The following FOXP2 variants were observed in gnomAD, a reference collection of about 807,000 sequenced individuals.
The protein encoded by FOXP2 is forkhead box P2.
Under a neutral mutation model 115.8 loss-of-function variants are expected in FOXP2, and 12 were observed. The ratio of observed to expected loss-of-function variants is 0.10; its 90% CI spans 0.07 to 0.17. The LOEUF (loss-of-function observed/expected upper bound fraction) is 0.17, where lower values mean the gene tolerates loss of function less well. FOXP2 is among the 10% of genes least tolerant of loss of function. FOXP2 has a pLI of 1.00. For synonymous variants in FOXP2, 328 were observed against 297.7 expected (o/e 1.10, Z -1.05); for missense variants, 629 against 843.5 (o/e 0.75, Z 3.15).
chr7:114,264,900 A>T (rs1795857531), intron 1 of FOXP2, among the ~76,000 whole-genome samples: 1 of 152,134 alleles, frequency 6.6e-6, no homozygotes, highest in African/African-American at 2.4e-5. Flanking sequence ...ACCAGATCTC[A>T]TGAGAAGTCA....
intron 1 of FOXP2, among the ~76,000 whole-genome samples, chr7:114,260,532 A>T (rs565309450): frequency 2.6e-5 from 4 of 152,036 alleles, no homozygotes; most frequent in African/African-American, 7.2e-5. Flanking sequence ...GACTCTATTT[A>T]AAAAAAATTG....
chr7:114,149,222 T>C (rs1792466106), intron 1 of FOXP2, among the ~76,000 whole-genome samples: 1 of 152,060 alleles, frequency 6.6e-6, no homozygotes, highest in South Asian at 2.1e-4. Context: ...TTTCTAGCCA[T>C]GTAGAACTTT....
intron 1 of FOXP2, among the ~76,000 whole-genome samples, chr7:114,236,246 GT>G (rs1795004963): frequency 6.6e-6 from 1 of 152,172 alleles, no homozygotes; most frequent in African/African-American, 2.4e-5. Flanking sequence ...CTTGCACAAT[GT>G]TTGTCAATTT....
chr7:114,676,168 A>T (rs1316165920), intron 16 of FOXP2, among the ~76,000 whole-genome samples: 9 of 143,348 alleles, frequency 6.3e-5, no homozygotes, highest in Non-Finnish European at 1.2e-4. Context: ...ACCTCAGGTG[A>T]TCCACCCGCC....
At chr7:114,191,512 G>A (rs1793760266) in intron 1 of FOXP2, among the ~76,000 whole-genome samples, 1 of 152,330 alleles carries the variant, frequency 6.6e-6, no homozygotes, top group South Asian at 2.1e-4. Context: ...AAGCACAAAT[G>A]TGTAGCGGGC....
chr7:114,497,140 G>A (rs1418588922), intron 2 of FOXP2, among the ~76,000 whole-genome samples: 1 of 152,142 alleles, frequency 6.6e-6, no homozygotes, highest in African/African-American at 2.4e-5. Context: ...TATTGACAGT[G>A]ATGTAATCTA....
intron 2 of FOXP2, among the ~76,000 whole-genome samples, chr7:114,311,824 A>G (rs902029839): frequency 6.6e-6 from 1 of 152,140 alleles, no homozygotes; most frequent in Non-Finnish European, 1.5e-5. Flanking sequence ...ACCTTTTGCA[A>G]TGGACTTGGT....
At chr7:114,556,365 C>T (rs1040303176) in intron 3 of FOXP2, among the ~76,000 whole-genome samples, 3 of 152,100 alleles carry the variant, frequency 2.0e-5, no homozygotes, top group Non-Finnish European at 2.9e-5. Context: ...TAAGCAGAAG[C>T]TGATCCAAGG....
rs1796728962 is a variant in FOXP2 at position 114,295,788 on chromosome 7, C to T, written c.-11+7679C>T. Among the ~76,000 whole-genome samples, 4 of 152,246 alleles carry T rather than the reference C, an allele frequency of 2.6e-5. No individual in the cohort carries two copies. In the South Asian group the frequency reaches 8.3e-4, roughly 32 times the overall value. Reference sequence around the variant, plus strand: ...AGAGCCTGGGGAGAGCTTTCTTTCTCTTTTCTGTGGCCTTTATTAGGCTTG... The same window carrying T: ...AGAGCCTGGGGAGAGCTTTCTTTCTTTTTTCTGTGGCCTTTATTAGGCTTG... On this transcript the variant is annotated intron_variant, in intron 2 of 17. Transcript: ENST00000634411.
chr7:114,576,777 A>G (rs1320104077), intron 3 of FOXP2, among the ~76,000 whole-genome samples: 2 of 151,930 alleles, frequency 1.3e-5, no homozygotes, highest in Admixed American at 6.6e-5. Context: ...TTTGCTCTAT[A>G]GTTTTTGCGT....
intron 1 of FOXP2, among the ~76,000 whole-genome samples, chr7:114,135,545 A>G (rs1792016598): frequency 6.6e-6 from 1 of 152,122 alleles, no homozygotes. Context: ...ATAAAAATAA[A>G]TTTTACTTGC....
At chr7:114,550,826 A>G (rs1800169939) in intron 3 of FOXP2, among the ~76,000 whole-genome samples, 1 of 152,224 alleles carries the variant, frequency 6.6e-6, no homozygotes, top group African/African-American at 2.4e-5. Flanking sequence ...TTACTTTAAA[A>G]GAAACATCTG....
chr7:114,475,396 T>C (rs1329748956), intron 2 of FOXP2, among the ~76,000 whole-genome samples: 1 of 152,076 alleles, frequency 6.6e-6, no homozygotes, highest in South Asian at 2.1e-4. Flanking sequence ...AATCATATAT[T>C]AAGTCAGTGT....
chr7:114,350,205 GTGCCATGGTGGTT>G (rs1791449119), intron 2 of FOXP2, among the ~76,000 whole-genome samples: 1 of 152,084 alleles, frequency 6.6e-6, no homozygotes, highest in Non-Finnish European at 1.5e-5. Flanking sequence ...AGGTATACAT[GTGCCATGGTGGTT>G]TGCTGCACCC....
At chr7:114,666,039 T>A (rs1807145196) in intron 16 of FOXP2, 1 of 152,082 alleles carries the variant, frequency 6.6e-6, no homozygotes, top group Non-Finnish European at 1.5e-5. Flanking sequence ...TTATGAAATA[T>A]TTCAGAGAAA....
At chr7:114,656,611 T>C in intron 10 of FOXP2, 1 of 358,174 alleles carries the variant, frequency 2.8e-6, no homozygotes, top group Non-Finnish European at 5.7e-6. Flanking sequence ...AACAAAGAAT[T>C]CCCTACCCAG....
chr7:114,642,516 C>T lies in FOXP2; in HGVS notation c.882C>T (p.Asn294=), dbSNP rs937208031. The change falls in exon 7 of 17, where the codon AAC becomes AAT. Residue 294 remains asparagine, a synonymous_variant. Coordinates refer to ENST00000350908, the MANE Select transcript of FOXP2 (RefSeq NM_014491.4). Reference sequence around the variant, plus strand: ...ATGGAGGGCTAGACCTCACTACTAACAATTCCTCCTCGACTACCTCCTCCA... The same window carrying T: ...ATGGAGGGCTAGACCTCACTACTAATAATTCCTCCTCGACTACCTCCTCCA... The part of the protein sequence containing the change: ...IKHGGLDLTT[N]NSSSTTSSNT... The T allele has an allele frequency of 1.9e-6, 3 of 1,613,806 alleles. No individual in the cohort carries two copies. Among genetic ancestry groups the T allele is most frequent in the African/African-American group, 1.3e-5 (1 of 74,862 alleles).
chr7:114,649,313 T>G (rs372690784), intron 8 of FOXP2, among the ~76,000 whole-genome samples: 6 of 152,212 alleles, frequency 3.9e-5, no homozygotes, highest in African/African-American at 1.4e-4. Flanking sequence ...AAGATAGTAT[T>G]ATGGAGCATT....
At chr7:114,213,169 C>A (rs1040330936) in intron 1 of FOXP2, among the ~76,000 whole-genome samples, 1 of 152,176 alleles carries the variant, frequency 6.6e-6, no homozygotes, top group Non-Finnish European at 1.5e-5. Flanking sequence ...TATTTCAGAA[C>A]TGCTTATTAA....
Sources: gnomAD v4.1 joint callset for allele counts (sites outside exome capture counted in the v4.1 genomes callset) on GRCh38, gnomAD v4.1.1 for gene constraint, MANE v1.5 for transcripts, NCBI Gene and HGNC (gene_info 2026-07-23, HGNC 2026-07-21) for gene names.